Variants in ANGPT1 observed in about 807,000 individuals in gnomAD.
The protein encoded by ANGPT1 is angiopoietin-1.
In ANGPT1, 17 loss-of-function variants were observed where a neutral mutation model predicts 62.2. The ratio of observed to expected loss-of-function variants is 0.27; its 90% CI spans 0.19 to 0.41. The LOEUF is 0.41. Among genes scored for constraint, ANGPT1 ranks in the 10% least tolerant of loss-of-function variants. ANGPT1 has a pLI of 1.00. For missense variants in ANGPT1, 478 were observed against 594.9 expected (o/e 0.80, Z 2.04); for synonymous variants, 199 against 198.9 (o/e 1.00, Z 0.00).
At position 107,454,138 on chromosome 8, in the gene ANGPT1, C is replaced by T. The variant is rs1278706386; in HGVS notation, c.297+43124G>A. Among the ~76,000 whole-genome samples, 8 of 152,046 alleles carry T rather than the reference C, an allele frequency of 5.3e-5. No individual in the cohort carries two copies. In the East Asian group the frequency reaches 7.7e-4, roughly 15 times the overall value. ...CATGTTCCTTCTGGTTTTTGCTTCA[C>T]GGGTGGTGCATTCCCAGGCAAATGG... On this transcript the variant is annotated intron_variant, in intron 1 of 8. Coordinates refer to ENST00000517746, the MANE Select transcript of ANGPT1 (RefSeq NM_001146.5).
chr8:107,325,204 C>T (rs1032548184), intron 3 of ANGPT1, among the ~76,000 whole-genome samples: 6 of 152,184 alleles, frequency 3.9e-5, no homozygotes, highest in African/African-American at 7.2e-5. Flanking sequence ...CTGGGGTAGG[C>T]GTCAAAGGAG....
chr8:107,362,056 A>C (rs1018469549), intron 1 of ANGPT1, among the ~76,000 whole-genome samples: 2 of 152,192 alleles, frequency 1.3e-5, no homozygotes, highest in Non-Finnish European at 1.5e-5. Context: ...ATTCCGTCTC[A>C]AAATAAATAA....
chr8:107,340,113 C>A (rs772172372), intron 2 of ANGPT1, among the ~76,000 whole-genome samples: 1 of 152,066 alleles, frequency 6.6e-6, no homozygotes, highest in Non-Finnish European at 1.5e-5. Context: ...TCTTGCCATG[C>A]GACTATGGAA....
At chr8:107,272,095 G>T (rs1355989788) in intron 7 of ANGPT1, among the ~76,000 whole-genome samples, 1 of 151,974 alleles carries the variant, frequency 6.6e-6, no homozygotes, top group Non-Finnish European at 1.5e-5. Flanking sequence ...ATTATGTTAA[G>T]AAGGAAGACA....
chr8:107,382,737 A>T (rs1315826807), intron 1 of ANGPT1, among the ~76,000 whole-genome samples: 2 of 152,096 alleles, frequency 1.3e-5, no homozygotes, highest in Admixed American at 1.3e-4. Flanking sequence ...TTCTCTACCC[A>T]AACCCCGAAA....
intron 1 of ANGPT1, among the ~76,000 whole-genome samples, chr8:107,393,892 G>A (rs538664356): frequency 3.3e-5 from 5 of 152,264 alleles, no homozygotes; most frequent in Admixed American, 6.5e-5. Flanking sequence ...GTCTTGACTT[G>A]GCTTTAACCT....
chr8:107,473,834 T>G (rs921525457), intron 1 of ANGPT1, among the ~76,000 whole-genome samples: 1 of 152,046 alleles, frequency 6.6e-6, no homozygotes, highest in Non-Finnish European at 1.5e-5. Flanking sequence ...GAACATTCTC[T>G]GCTGTAAAAC....
chr8:107,261,859 A>AT (rs1563539211), intron 8 of ANGPT1, among the ~76,000 whole-genome samples: 1 of 151,992 alleles, frequency 6.6e-6, no homozygotes, highest in African/African-American at 2.4e-5. Flanking sequence ...TTTGGTGATA[A>AT]TAGTAATAGA....
intron 1 of ANGPT1, among the ~76,000 whole-genome samples, chr8:107,372,416 T>C (rs934340253): frequency 6.6e-6 from 1 of 152,206 alleles, no homozygotes; most frequent in African/African-American, 2.4e-5. Context: ...ACCATTCTCC[T>C]GGTGCCTCTA....
chr8:107,308,677 C>T (rs749587155), intron 4 of ANGPT1, among the ~76,000 whole-genome samples: 4 of 152,116 alleles, frequency 2.6e-5, no homozygotes, highest in Non-Finnish European at 5.9e-5. Context: ...AAAGACTTTG[C>T]CCACACCAAT....
rs565310717 is a variant in ANGPT1 at position 107,442,190 on chromosome 8, T to C, written c.297+55072A>G. On this transcript the variant is annotated intron_variant, in intron 1 of 8. Coordinates refer to ENST00000517746, the MANE Select transcript of ANGPT1 (RefSeq NM_001146.5). ...TATTTAAACATTTGCATGTTTCACA[T>C]ATGCTCATGCACGTACCTCCTTAAT... is the stretch of plus-strand genomic sequence containing the variant. 2.0e-5 allele frequency among the ~76,000 whole-genome samples: 3 copies of C among 152,304 alleles called. No individual in the cohort carries two copies. In the South Asian group the frequency reaches 6.2e-4, roughly 32 times the overall value.
chr8:107,492,800 T>C (rs1190180061), intron 1 of ANGPT1, among the ~76,000 whole-genome samples: 1 of 150,570 alleles, frequency 6.6e-6, no homozygotes, highest in African/African-American at 2.5e-5. Flanking sequence ...TGTATATTAA[T>C]ATAATTAAGT....
At chr8:107,257,196 T>G (rs1171607127) in intron 8 of ANGPT1, among the ~76,000 whole-genome samples, 3 of 152,244 alleles carry the variant, frequency 2.0e-5, no homozygotes, top group Non-Finnish European at 4.4e-5. Context: ...TGAGATGTAC[T>G]TTCGAAGCAT....
intron 8 of ANGPT1, among the ~76,000 whole-genome samples, chr8:107,255,259 G>T (rs916338566): frequency 1.3e-5 from 2 of 152,144 alleles, no homozygotes; most frequent in Non-Finnish European, 2.9e-5. Flanking sequence ...TGAAAGATGG[G>T]TATGAGTTCA....
intron 1 of ANGPT1, among the ~76,000 whole-genome samples, chr8:107,496,509 G>C (rs539605243): frequency 6.6e-6 from 1 of 152,182 alleles, no homozygotes. Context: ...CCTGAGAAGG[G>C]AGGTATTTCA....
chr8:107,332,045 C>T (rs572022466), intron 3 of ANGPT1, among the ~76,000 whole-genome samples: 46 of 152,224 alleles, frequency 3.0e-4, no homozygotes, highest in Middle Eastern at 6.8e-3. Flanking sequence ...CCAAACCTTT[C>T]GACTAACAGA....
chr8:107,317,442 C>T (rs187083053), intron 4 of ANGPT1, among the ~76,000 whole-genome samples: 107 of 152,230 alleles, frequency 7.0e-4, no homozygotes, highest in Non-Finnish European at 1.4e-3. Flanking sequence ...GACAATCAGA[C>T]TATGTAAGTT....
chr8:107,485,792 G>A (rs1434836400), intron 1 of ANGPT1, among the ~76,000 whole-genome samples: 2 of 152,210 alleles, frequency 1.3e-5, no homozygotes, highest in African/African-American at 4.8e-5. Flanking sequence ...AAATCCAAGA[G>A]GGAGGTCATT....
intron 1 of ANGPT1, among the ~76,000 whole-genome samples, chr8:107,460,421 T>G (rs1812037731): frequency 6.6e-6 from 1 of 152,114 alleles, no homozygotes; most frequent in Non-Finnish European, 1.5e-5. Context: ...AAACTAAAAA[T>G]GAAATTAGAT....
Sources: gnomAD v4.1 joint callset for allele counts (sites outside exome capture counted in the v4.1 genomes callset) on GRCh38, gnomAD v4.1.1 for gene constraint, MANE v1.5 for transcripts, NCBI Gene and HGNC (gene_info 2026-07-23, HGNC 2026-07-21) for gene names.